ARL3: variants seen among roughly 807,000 people sequenced by gnomAD.
The protein encoded by ARL3 is ARF like GTPase 3.
Under a neutral mutation model 26.0 loss-of-function variants are expected in ARL3, and 9 were observed. That is an observed-to-expected ratio of 0.35 (90% CI 0.21 to 0.60). ARL3 has a LOEUF of 0.60. Among genes scored for constraint, ARL3 ranks in the 20% least tolerant of loss-of-function variants. ARL3 has a pLI of 0.78. For missense variants in ARL3, 158 were observed against 215.7 expected, an observed-to-expected ratio of 0.73 and a Z score of 1.67; for synonymous variants, 71 against 78.4, an observed-to-expected ratio of 0.91 and a Z score of 0.50.
At chr10:102,680,684 G>C (rs796673795) in intron 5 of ARL3, among the ~76,000 whole-genome samples, 6 of 152,092 alleles carry the variant, frequency 3.9e-5, no homozygotes, top group African/African-American at 1.4e-4. Flanking sequence ...ATCACTGCTC[G>C]GTAGCTGGAA....
intron 5 of ARL3, among the ~76,000 whole-genome samples, chr10:102,680,663 A>G (rs935014184): frequency 3.9e-5 from 6 of 152,194 alleles, no homozygotes; most frequent in African/African-American, 1.4e-4. Flanking sequence ...TGATCTCTGT[A>G]CATTGCATCC....
rs551883335 is a variant in ARL3 at position 102,702,749 on chromosome 10, G to A, written c.147+2597C>T. On this transcript the variant is annotated intron_variant, in intron 2 of 5. Transcript: ENST00000260746. Reference sequence around the variant, plus strand: ...TAATATGTGTTTTCAGCCCTTCTAGGCTAGATTACTGTAATTTGCTTGGGC... The same window carrying A: ...TAATATGTGTTTTCAGCCCTTCTAGACTAGATTACTGTAATTTGCTTGGGC... Among the ~76,000 whole-genome samples, 7 of 152,234 alleles carry A rather than the reference G, an allele frequency of 4.6e-5. No homozygotes were observed. In the South Asian group the frequency reaches 1.5e-3, roughly 32 times the overall value.
At chr10:102,677,014 C>T (rs945716429) in intron 5 of ARL3, 73 bp from the exon 6 acceptor site, 15 of 1,544,314 alleles carry the variant, frequency 9.7e-6, no homozygotes, top group South Asian at 2.2e-5. Context: ...CCTGGAGGGG[C>T]GGGCAGTGGG....
At position 102,699,468 on chromosome 10, in the gene ARL3, G is replaced by A. The variant is rs2136005327; in HGVS notation, c.169C>T (p.Gln57Ter). The change falls in exon 3 of 6, where the codon CAA becomes TAA. Residue 57 changes from glutamine to a stop codon, truncating the protein, a stop_gained. Transcript: ENST00000260746. LOFTEE classifies it high-confidence loss of function. Reference protein sequence around the residue: ...PTQGFNIKSVQSQGFKLNVWD... With the variant: ...PTQGFNIKSV ...ACATTCAGTTTAAAACCTTGTGATT[G>A]TACACTTTTGATGTTGAAACCCTGA... 1 of 1,608,428 alleles carries A rather than the reference G, an allele frequency of 6.2e-7. No individual in the cohort carries two copies. Among genetic ancestry groups the A allele is most frequent in the Non-Finnish European group, 8.5e-7 (1 of 1,176,094 alleles).
chr10:102,691,445 C>T (rs544762135), intron 3 of ARL3, among the ~76,000 whole-genome samples: 19 of 152,138 alleles, frequency 1.2e-4, no homozygotes, highest in Admixed American at 3.9e-4. Flanking sequence ...AACTCTTGAA[C>T]GCTCCTGTTA....
intron 1 of ARL3, among the ~76,000 whole-genome samples, chr10:102,708,064 C>A (rs1461610151): frequency 6.6e-6 from 1 of 152,054 alleles, no homozygotes; most frequent in Non-Finnish European, 1.5e-5. Context: ...CCGGCTCACA[C>A]CACCACGCCC....
intron 1 of ARL3, among the ~76,000 whole-genome samples, chr10:102,709,049 T>G (rs534752557): frequency 2.0e-5 from 3 of 151,184 alleles, no homozygotes; most frequent in African/African-American, 7.3e-5. Flanking sequence ...GGACTATAGA[T>G]GTGTACAACC....
At chr10:102,686,817 A>G (rs1590121008) in intron 4 of ARL3, among the ~76,000 whole-genome samples, 1 of 147,982 alleles carries the variant, frequency 6.8e-6, no homozygotes, top group South Asian at 2.2e-4. Context: ...CCTGGGCCCA[A>G]CCCAGAGATG....
intron 5 of ARL3, among the ~76,000 whole-genome samples, chr10:102,680,306 A>T (rs1453097191): frequency 1.3e-5 from 2 of 152,082 alleles, no homozygotes; most frequent in Non-Finnish European, 2.9e-5. Flanking sequence ...CATTATGGGG[A>T]TGACGATCTT....
At chr10:102,690,807 C>G (rs7075845) in intron 3 of ARL3, among the ~76,000 whole-genome samples, 151,950 of 152,186 alleles carry the variant, frequency 1, 75,857 homozygotes, top group East Asian at 1. Flanking sequence ...TAATAAAGCT[C>G]ATGTCAGATG....
In ARL3 at chr10:102,676,029, A is replaced by G. The variant is rs1384948757; in HGVS notation, c.*865T>C. 3 of 152,606 alleles carry G rather than the reference A, an allele frequency of 2.0e-5. No individual in the cohort carries two copies. Among genetic ancestry groups the G allele is most frequent in the Admixed American group, 2.0e-4 (3 of 15,274 alleles). The allele number at this position is 152,606 out of a possible 1,614,324, so 9.5% of individuals were successfully genotyped here. ...CAGCTAATCTCAGAGTCGGCTGCTC[A>G]CTGCTCCACTGAGCTGGAGAAAGCC... On this transcript the variant is annotated 3_prime_UTR_variant, in exon 6 of 6. Transcript: ENST00000260746.
At chr10:102,699,352 T>A (rs750441054) in intron 3 of ARL3, 21 bp downstream of exon 3, 3 of 1,389,362 alleles carry the variant, frequency 2.2e-6, no homozygotes, top group South Asian at 2.3e-5. Flanking sequence ...TATGAATTAG[T>A]GCGTCAGAAG....
intron 1 of ARL3, among the ~76,000 whole-genome samples, chr10:102,711,196 T>C (rs768784793): frequency 2.6e-5 from 4 of 152,160 alleles, no homozygotes; most frequent in Admixed American, 6.6e-5. Context: ...ATACAAACAA[T>C]GTTTCCTAAG....
chr10:102,708,280 A>G (rs970493316), intron 1 of ARL3, among the ~76,000 whole-genome samples: 17 of 152,142 alleles, frequency 1.1e-4, no homozygotes, highest in African/African-American at 3.9e-4. Flanking sequence ...CTATATTGCA[A>G]TCACTCATTT....
intron 1 of ARL3, among the ~76,000 whole-genome samples, chr10:102,711,108 ACTC>A (rs1183536082): frequency 2.0e-5 from 3 of 152,026 alleles, no homozygotes; most frequent in African/African-American, 4.8e-5. Flanking sequence ...TTTCAACTGA[ACTC>A]CTATCAGCTT....
At chr10:102,705,941 T>A (rs762641041) in intron 1 of ARL3, among the ~76,000 whole-genome samples, 8 of 152,152 alleles carry the variant, frequency 5.3e-5, no homozygotes, top group Admixed American at 2.0e-4. Context: ...ATAACACTTG[T>A]GGAATTAAAT....
chr10:102,692,096 T>C (rs1051329457), intron 3 of ARL3, among the ~76,000 whole-genome samples: 1 of 152,242 alleles, frequency 6.6e-6, no homozygotes, highest in African/African-American at 2.4e-5. Flanking sequence ...TGTACGTTAA[T>C]TCCCAGGTAC....
chr10:102,689,651 G>A (rs981593694), intron 4 of ARL3, among the ~76,000 whole-genome samples: 1 of 152,046 alleles, frequency 6.6e-6, no homozygotes, highest in Non-Finnish European at 1.5e-5. Context: ...GACCAATGTG[G>A]TGAAACCCTC....
chr10:102,686,466 C>CTTTT (rs549382825), intron 4 of ARL3, among the ~76,000 whole-genome samples: 1 of 124,040 alleles, frequency 8.1e-6, no homozygotes, highest in Non-Finnish European at 1.8e-5. Flanking sequence ...TTTTTTCTTT[C>CTTTT]TTTTTTTTTT....
Sources: allele counts gnomAD v4.1 joint callset (sites outside exome capture counted in the v4.1 genomes callset), GRCh38; gene constraint gnomAD v4.1.1; transcripts MANE v1.5; gene names NCBI Gene and HGNC (gene_info 2026-07-23, HGNC 2026-07-21).